The following CFAP20DC variants were observed in gnomAD, a reference collection of about 807,000 sequenced individuals.
CFAP20DC encodes protein CFAP20DC.
A neutral mutation model predicts 101.7 loss-of-function variants in CFAP20DC; 84 were observed. The observed-to-expected ratio is 0.83, with a 90% CI of 0.69 to 0.99. The LOEUF (loss-of-function observed/expected upper bound fraction) is 0.99. CFAP20DC is among the 50% of genes least tolerant of loss of function. The pLI is 0.00. For synonymous variants in CFAP20DC, 359 were observed against 351.2 expected, an observed-to-expected ratio of 1.02 and a Z score of -0.25; for missense variants, 1,007 against 970.3, an observed-to-expected ratio of 1.04 and a Z score of -0.50.
At chr3:58,811,674 T>G (rs1448040657) in intron 14 of CFAP20DC, among the ~76,000 whole-genome samples, 7 of 151,860 alleles carry the variant, frequency 4.6e-5, no homozygotes, top group Admixed American at 1.3e-4. Flanking sequence ...AACACCAAAG[T>G]CAATGGCAAC....
At chr3:59,048,195 T>G (rs13315764) in intron 1 of CFAP20DC, among the ~76,000 whole-genome samples, 36,844 of 152,136 alleles carry the variant, frequency 0.24, 5,151 homozygotes, top group African/African-American at 0.39. Context: ...ATGAGAATCC[T>G]ATATGAGGAT....
At chr3:58,745,847 T>C (rs2068155921) in intron 16 of CFAP20DC, among the ~76,000 whole-genome samples, 1 of 152,098 alleles carries the variant, frequency 6.6e-6, no homozygotes, top group Non-Finnish European at 1.5e-5. Context: ...ATCACAGCTG[T>C]GGGATATTGG....
intron 12 of CFAP20DC, among the ~76,000 whole-genome samples, chr3:58,856,592 G>T (rs749547851): frequency 6.6e-6 from 1 of 152,164 alleles, no homozygotes; most frequent in South Asian, 2.1e-4. Context: ...TCTGCCTTCA[G>T]GCAGAAAACT....
intron 14 of CFAP20DC, among the ~76,000 whole-genome samples, chr3:58,815,235 C>G (rs1381081172): frequency 6.6e-6 from 1 of 151,460 alleles, no homozygotes; most frequent in Admixed American, 6.6e-5. Flanking sequence ...TTTGACAAAC[C>G]TGAGAAAAAC....
chr3:59,025,583 A>G (rs1419691528), intron 4 of CFAP20DC, among the ~76,000 whole-genome samples: 1 of 152,178 alleles, frequency 6.6e-6, no homozygotes, highest in Non-Finnish European at 1.5e-5. Flanking sequence ...AAACACATAT[A>G]ATATCAGCCC....
chr3:58,994,835 T>TA (rs200143095), intron 4 of CFAP20DC, among the ~76,000 whole-genome samples: 2,907 of 144,120 alleles, frequency 0.02, 82 homozygotes, highest in East Asian at 0.12. Context: ...CCAAAAGACT[T>TA]AAAAAAAAAA....
intron 3 of CFAP20DC, among the ~76,000 whole-genome samples, chr3:58,723,092 CT>C (rs1407484374): frequency 6.6e-6 from 1 of 152,220 alleles, no homozygotes; most frequent in African/African-American, 2.4e-5. Context: ...CAAATGTTCA[CT>C]TTTGTGCTCT....
chr3:58,771,851 C>T (rs1042541029), intron 15 of CFAP20DC, among the ~76,000 whole-genome samples: 9 of 152,190 alleles, frequency 5.9e-5, no homozygotes, highest in East Asian at 1.9e-4. Flanking sequence ...CACATCTCCA[C>T]GACTTATCTC....
chr3:58,926,347 C>T (rs1213323237), intron 5 of CFAP20DC, among the ~76,000 whole-genome samples: 2 of 151,260 alleles, frequency 1.3e-5, no homozygotes, highest in African/African-American at 4.9e-5. Flanking sequence ...GCCTGGGCGA[C>T]AGAGTGCGTG....
rs190910810 is a variant in CFAP20DC at position 58,802,251 on chromosome 3, G to A, written c.2237+4144C>T. 8.5e-5 allele frequency among the ~76,000 whole-genome samples: 13 copies of A among 152,304 alleles called. No individual in the cohort carries two copies. The East Asian group carries it at 2.5e-3, about 29-fold the overall frequency. Reference sequence around the variant, plus strand: ...TCTAAACCCCACAAACCAATAGATGGCATTTTAAAATAAATGACTTGAAGC... The same window carrying A: ...TCTAAACCCCACAAACCAATAGATGACATTTTAAAATAAATGACTTGAAGC... On this transcript the variant is annotated intron_variant, in intron 15 of 16. Transcript: ENST00000482387.
intron 15 of CFAP20DC, chr3:58,794,300 T>A (rs1328106484): frequency 2.2e-6 from 1 of 453,636 alleles, no homozygotes; most frequent in Non-Finnish European, 4.4e-6. Flanking sequence ...TGCATCTGAT[T>A]TGTCTTAATG....
chr3:58,892,816 CTT>C lies in CFAP20DC; in HGVS notation c.551-8109_551-8108del, dbSNP rs1420939028. 6.6e-6 allele frequency among the ~76,000 whole-genome samples: 1 copy of C among 152,126 alleles called. No individual in the cohort carries two copies. The highest frequency in any genetic ancestry group is 2.4e-5 in the African/African-American group (1 of 41,426). ...CTTCCTCTCTTCCTATTTGAATACT[CTT>C]TATTTTTTTCTCTTGCCTGATTGTC... On this transcript the variant is annotated intron_variant, in intron 6 of 16. Transcript: ENST00000482387. This position sits in a 1 kb window ranked among gnomAD's most constrained non-coding sequence, Gnocchi z 4.0.
chr3:58,848,148 C>T (rs2077882308), intron 13 of CFAP20DC, among the ~76,000 whole-genome samples: 9 of 88,164 alleles, frequency 1.0e-4, no homozygotes, highest in Middle Eastern at 5.4e-3. Context: ...GCACATGTAC[C>T]CTAAAACTTA....
intron 15 of CFAP20DC, among the ~76,000 whole-genome samples, chr3:58,758,546 T>A (rs544645859): frequency 2.3e-4 from 35 of 152,262 alleles, no homozygotes; most frequent in Non-Finnish European, 5.0e-4. Context: ...TTTATTTATT[T>A]ATTTATTATA....
intron 4 of CFAP20DC, among the ~76,000 whole-genome samples, chr3:58,957,052 C>T (rs538723210): frequency 6.6e-6 from 1 of 152,208 alleles, no homozygotes; most frequent in Non-Finnish European, 1.5e-5. Flanking sequence ...AAACAATCAA[C>T]AAACTGAAGG....
chr3:59,015,926 C>T lies in CFAP20DC; in HGVS notation c.278+23631G>A, dbSNP rs948060095. ...GGGCGAGGAACATATGGCCACATTT[C>T]CATATCTAAGCAGTACCAATGGATG... On this transcript the variant is annotated intron_variant, in intron 4 of 16. Coordinates refer to ENST00000482387, the MANE Select transcript of CFAP20DC (RefSeq NM_001394063.1). The surrounding 1 kb of genome is among the most constrained non-coding windows in gnomAD (Gnocchi z 5.4). Among the ~76,000 whole-genome samples, 2 of 152,068 alleles carry T rather than the reference C, an allele frequency of 1.3e-5. No individual in the cohort carries two copies. The highest frequency in any genetic ancestry group is 4.8e-5 in the African/African-American group (2 of 41,428).
intron 15 of CFAP20DC, among the ~76,000 whole-genome samples, chr3:58,772,053 A>T (rs967260032): frequency 2.0e-5 from 3 of 152,242 alleles, no homozygotes; most frequent in African/African-American, 7.2e-5. Context: ...CTAAGAAGGC[A>T]GAGAAAGTCT....
chr3:59,026,683 T>C (rs984986567), intron 4 of CFAP20DC, among the ~76,000 whole-genome samples: 12 of 152,218 alleles, frequency 7.9e-5, no homozygotes, highest in African/African-American at 2.7e-4. Flanking sequence ...ATATTCACTT[T>C]ACTTAGTTTA....
At chr3:58,845,190 C>G (rs1219634185) in intron 13 of CFAP20DC, among the ~76,000 whole-genome samples, 1 of 150,226 alleles carries the variant, frequency 6.7e-6, no homozygotes, top group African/African-American at 2.5e-5. Flanking sequence ...AATAGAGACA[C>G]AAAAAACCCT....
Sources: allele counts gnomAD v4.1 joint callset (sites outside exome capture counted in the v4.1 genomes callset), GRCh38; gene constraint gnomAD v4.1.1; non-coding constraint Gnocchi (gnomAD v3.1); transcripts MANE v1.5; gene names NCBI Gene and HGNC (gene_info 2026-07-23, HGNC 2026-07-21).